The following LRRIQ1 variants were observed in gnomAD, a reference collection of about 807,000 sequenced individuals.
LRRIQ1 encodes leucine-rich repeat- and IQ domain-containing protein 1.
In LRRIQ1, 210 loss-of-function variants were observed where a neutral mutation model predicts 211.9. The observed-to-expected ratio is 0.99, with a 90% confidence interval of 0.89 to 1.11. LRRIQ1 has a LOEUF of 1.11. Ranked by LOEUF, LRRIQ1 falls within the 50% of genes most tolerant of loss-of-function variation. The probability of loss-of-function intolerance (pLI) is 0.00; values close to 1 mark genes in which losing one functional copy is unlikely to be tolerated. For synonymous variants in LRRIQ1, 699 were observed against 650.1 expected, an observed-to-expected ratio of 1.08 and a Z score of -1.14; for missense variants, 2,136 against 1,939.5, an observed-to-expected ratio of 1.10 and a Z score of -1.90.
intron 24 of LRRIQ1, among the ~76,000 whole-genome samples, chr12:85,223,411 C>T (rs1032297089): frequency 1.3e-5 from 2 of 152,094 alleles, no homozygotes; most frequent in Admixed American, 6.6e-5. Context: ...AGGAAGTGGT[C>T]TGGAATCCAG....
At chr12:85,088,064 C>A (rs143683998) in intron 11 of LRRIQ1, among the ~76,000 whole-genome samples, 4,171 of 152,058 alleles carry the variant, frequency 0.027, 186 homozygotes, top group African/African-American at 0.095. Context: ...TCTTCTAGGG[C>A]TTTTATGGTT....
rs756434476 is a variant in LRRIQ1 at position 85,124,322 on chromosome 12, T to C, written c.3810T>C (p.Ser1270=). The change falls in exon 17 of 27, where the codon TCT becomes TCC. Residue 1270 remains serine (S), a synonymous_variant. Transcript: ENST00000393217. ...SPDIPEKWMD[S]VSSHSPLSKS... is the part of the protein sequence containing the mutation. ...ATATTCCTGAGAAATGGATGGACTC[T>C]GTCTCCAGCCACTCCCCATTAAGCA... is the stretch of plus-strand genomic sequence containing the variant. 6.8e-6 allele frequency: 11 copies of C among 1,614,018 alleles called. No homozygotes were observed. The highest frequency in any genetic ancestry group is 7.6e-6 in the Non-Finnish European group (9 of 1,180,038).
intron 24 of LRRIQ1, among the ~76,000 whole-genome samples, chr12:85,168,287 C>CTGTGATTAATACACCCTATTATTAAT (rs1891248677): frequency 6.6e-6 from 1 of 152,068 alleles, no homozygotes; most frequent in Admixed American, 6.5e-5. Flanking sequence ...CATGGTAATA[C>CTGTGATTAATACACCCTATTATTAAT]TAAGGGACAC....
At chr12:85,058,735 A>G (rs1881429719) in intron 8 of LRRIQ1, among the ~76,000 whole-genome samples, 1 of 151,998 alleles carries the variant, frequency 6.6e-6, no homozygotes, top group African/African-American at 2.4e-5. Flanking sequence ...ATTAAAATCT[A>G]TAGAATACCT....
chr12:85,100,015 T>C (rs1886224102), intron 13 of LRRIQ1, among the ~76,000 whole-genome samples: 1 of 151,842 alleles, frequency 6.6e-6, no homozygotes, highest in Non-Finnish European at 1.5e-5. Flanking sequence ...ACTGTGTAAG[T>C]AATTTGGGCA....
chr12:85,184,608 G>A (rs1003031274), intron 24 of LRRIQ1, among the ~76,000 whole-genome samples: 2 of 151,920 alleles, frequency 1.3e-5, no homozygotes, highest in African/African-American at 4.8e-5. Flanking sequence ...CCACCTATTT[G>A]AGCTGTTAAA....
At chr12:85,166,284 G>A (rs1891153523) in intron 24 of LRRIQ1, among the ~76,000 whole-genome samples, 1 of 152,098 alleles carries the variant, frequency 6.6e-6, no homozygotes, top group African/African-American at 2.4e-5. Context: ...TTTAGTCTTA[G>A]CTCCTCCATT....
At chr12:85,119,977 C>T (rs1027739558) in intron 15 of LRRIQ1, among the ~76,000 whole-genome samples, 1 of 152,056 alleles carries the variant, frequency 6.6e-6, no homozygotes, top group Non-Finnish European at 1.5e-5. Context: ...TTCTCATTCT[C>T]TTGAGATTGT....
chr12:85,261,362 T>A (rs563880354), intron 1 of LRRIQ1, among the ~76,000 whole-genome samples: 2 of 152,318 alleles, frequency 1.3e-5, no homozygotes, highest in South Asian at 4.1e-4. Flanking sequence ...AATTCAGTAC[T>A]CTGTATTTAA....
chr12:85,065,420 C>T lies in LRRIQ1; in HGVS notation c.2544+6C>T. On this transcript the variant is annotated splice_donor_region_variant and intron_variant, in intron 9 of 26. Transcript: ENST00000393217. ...TTAAGTACATTGATGCACAGGTATG[C>T]TCTCTGCCCTACTGTTATTTATTTT... The T allele has an allele frequency of 1.9e-6, 3 of 1,580,876 alleles. 1 individual carries two copies. Among genetic ancestry groups the T allele is most frequent in the South Asian group, 2.3e-5 (2 of 86,326 alleles).
chr12:85,090,711 A>T (rs142045025), intron 11 of LRRIQ1, among the ~76,000 whole-genome samples: 148 of 152,196 alleles, frequency 9.7e-4, no homozygotes, highest in African/African-American at 3.4e-3. Context: ...CTTGTTTCTG[A>T]TTTTACAGAC....
At chr12:85,196,337 A>G (rs1378101401) in intron 24 of LRRIQ1, among the ~76,000 whole-genome samples, 1 of 152,190 alleles carries the variant, frequency 6.6e-6, no homozygotes, top group Non-Finnish European at 1.5e-5. Flanking sequence ...TTTAAAGTTG[A>G]TATGGAATCA....
Position 85,056,828 on chromosome 12 carries a change from G to C in LRRIQ1, c.2035G>C (p.Gly679Arg). 3 of 1,612,834 alleles carry C rather than the reference G, an allele frequency of 1.9e-6. No individual in the cohort carries two copies. The highest frequency in any genetic ancestry group is 2.5e-6 in the Non-Finnish European group (3 of 1,179,358). The change falls in exon 8 of 27, where the codon GGT becomes CGT. Residue 679 changes from glycine to arginine, a missense_variant. Transcript: ENST00000393217. Reference protein sequence around the residue: ...GKRNDQDYVLGRHAPCEGLSN... With the variant: ...GKRNDQDYVLRRHAPCEGLSN... Reference sequence around the variant, plus strand: ...AAGAAATGACCAAGATTATGTGTTAGGTAGACATGCTCCTTGTGAGGGCTT... The same window carrying C: ...AAGAAATGACCAAGATTATGTGTTACGTAGACATGCTCCTTGTGAGGGCTT...
At position 85,124,215 on chromosome 12, in the gene LRRIQ1, T is replaced by A. The variant is rs771864616; in HGVS notation, c.3703T>A (p.Leu1235Met). ...TGAATCAGAAGCCCAGAAAAATCATTTGGCCCCTACAAACAGTGACAGCAC... is the reference window on the plus strand; with the variant it reads ...TGAATCAGAAGCCCAGAAAAATCATATGGCCCCTACAAACAGTGACAGCAC... ...KDESEAQKNH[L>M]APTNSDSTLQ... Residue 1235 changes from leucine (L) to methionine (M), a missense_variant, in exon 17 of 27, where the codon TTG becomes ATG. Leu to Met is a conservative substitution (Grantham distance 15). Transcript: ENST00000393217. The A allele has an allele frequency of 1.1e-5, 17 of 1,614,002 alleles. No individual in the cohort carries two copies. The highest frequency in any genetic ancestry group is 1.4e-5 in the Non-Finnish European group (17 of 1,179,984).
chr12:85,205,854 C>G (rs1893516976), intron 24 of LRRIQ1, among the ~76,000 whole-genome samples: 1 of 152,168 alleles, frequency 6.6e-6, no homozygotes. Context: ...AGGCAGTTTT[C>G]AAGCTCAGAG....
intron 24 of LRRIQ1, among the ~76,000 whole-genome samples, chr12:85,212,791 G>A (rs1403941710): frequency 6.7e-6 from 1 of 149,318 alleles, no homozygotes; most frequent in Admixed American, 6.7e-5. Context: ...TATATATAGA[G>A]AGAGAGAGAA....
chr12:85,135,006 T>C (rs538325938), intron 18 of LRRIQ1, among the ~76,000 whole-genome samples: 2 of 152,174 alleles, frequency 1.3e-5, no homozygotes, highest in South Asian at 4.1e-4. Flanking sequence ...AAATAACAAT[T>C]ATTTTTCACT....
At chr12:85,239,784 C>G (rs1895380449) in intron 26 of LRRIQ1, among the ~76,000 whole-genome samples, 1 of 151,910 alleles carries the variant, frequency 6.6e-6, no homozygotes, top group African/African-American at 2.4e-5. Context: ...TTGGGACCAG[C>G]CTGGTCAACA....
rs570712279 is a variant in LRRIQ1, at chr12:85,187,534, C to G, written c.4822+26820C>G. ...GTTTAGAAAGTGGGTCAGCCGGGCG[C>G]GGTGGTTCACGCCTGTAATCCCAGC... is the stretch of plus-strand genomic sequence containing the variant. On this transcript the variant is annotated intron_variant, in intron 24 of 26. Coordinates refer to ENST00000393217, the MANE Select transcript of LRRIQ1 (RefSeq NM_001079910.2). Among the ~76,000 whole-genome samples the G allele has an allele frequency of 1.6e-3, 249 of 152,002 alleles. 1 individual carries two copies. The highest frequency in any genetic ancestry group is 2.8e-3 in the Non-Finnish European group (192 of 67,952).
Sources: gnomAD v4.1 joint callset for allele counts (sites outside exome capture counted in the v4.1 genomes callset) on GRCh38, gnomAD v4.1.1 for gene constraint, MANE v1.5 for transcripts, NCBI Gene and HGNC (gene_info 2026-07-23, HGNC 2026-07-21) for gene names.